Variants in TSPEAR observed in about 807,000 individuals in gnomAD.
TSPEAR encodes thrombospondin type laminin G domain and EAR repeats, also known as thrombospondin-type laminin G domain and EAR repeat-containing protein.
In TSPEAR, 69 loss-of-function variants were observed where a neutral mutation model predicts 71.6. The ratio of observed to expected loss-of-function variants is 0.96; its 90% CI spans 0.79 to 1.18. TSPEAR has a LOEUF of 1.18. Among genes scored for constraint, TSPEAR ranks in the 50% most tolerant of loss-of-function variants. The probability of loss-of-function intolerance (pLI) is 0.00; values close to 1 mark genes in which losing one functional copy is unlikely to be tolerated. For synonymous variants in TSPEAR, 402 were observed against 387.2 expected (o/e 1.04, Z -0.45); for missense variants, 971 against 894.9 (o/e 1.09, Z -1.09).
intron 3 of TSPEAR, among the ~76,000 whole-genome samples, chr21:44,533,024 C>T (rs1221317637): frequency 6.6e-6 from 1 of 152,218 alleles, no homozygotes; most frequent in African/African-American, 2.4e-5. Flanking sequence ...AGCGCCCTCC[C>T]CACAGTGCCG....
intron 9 of TSPEAR, among the ~76,000 whole-genome samples, chr21:44,511,824 G>A (rs1555912745): frequency 6.6e-6 from 1 of 152,266 alleles, no homozygotes; most frequent in East Asian, 1.9e-4. Context: ...CCCTGTAGCA[G>A]CCCAGGGTGA....
intron 2 of TSPEAR, chr21:44,550,226 T>G: frequency 4.7e-6 from 1 of 212,272 alleles, no homozygotes; most frequent in African/African-American, 2.3e-5. Context: ...CTTCCAGGTG[T>G]CACACAAGAG....
intron 2 of TSPEAR, chr21:44,540,268 T>C (rs1387110713): frequency 9.3e-6 from 14 of 1,504,430 alleles, no homozygotes; most frequent in African/African-American, 1.4e-5. Context: ...GCTCTGCTTT[T>C]ATACCCCTTC....
At chr21:44,581,378 G>T (rs587758561) in intron 1 of TSPEAR, among the ~76,000 whole-genome samples, 84 of 152,276 alleles carry the variant, frequency 5.5e-4, no homozygotes, top group Middle Eastern at 3.4e-3. Flanking sequence ...GTTTAGCTGG[G>T]TATATAATTC....
intron 1 of TSPEAR, among the ~76,000 whole-genome samples, chr21:44,696,732 G>A (rs1987352193): frequency 6.6e-6 from 1 of 152,210 alleles, no homozygotes; most frequent in Non-Finnish European, 1.5e-5. Context: ...AATCACAGAG[G>A]GGCGGCCAAG....
At chr21:44,516,941 C>A (rs1201410002) in intron 9 of TSPEAR, among the ~76,000 whole-genome samples, 1 of 152,178 alleles carries the variant, frequency 6.6e-6, no homozygotes, top group African/African-American at 2.4e-5. Flanking sequence ...CCCATCTTCC[C>A]ATCGCAGGAG....
intron 1 of TSPEAR, among the ~76,000 whole-genome samples, chr21:44,674,109 A>C (rs1986188379): frequency 8.0e-6 from 1 of 124,756 alleles, no homozygotes; most frequent in Non-Finnish European, 1.7e-5. Flanking sequence ...ACACAGTAAG[A>C]CTCCATCTCA....
intron 1 of TSPEAR, chr21:44,600,751 C>T (rs1555928394): frequency 6.2e-7 from 1 of 1,609,800 alleles, no homozygotes; most frequent in African/African-American, 1.4e-5. Context: ...CTGCTGCGAG[C>T]CCCCCTGCTG....
intron 2 of TSPEAR, chr21:44,539,236 A>C: frequency 6.4e-7 from 1 of 1,571,638 alleles, no homozygotes. Context: ...CCAGGTCAGG[A>C]ACTGAGCCCA....
In TSPEAR at chr21:44,658,174, T is replaced by C. The variant is rs782619047; in HGVS notation, c.82+53259A>G. 3.7e-6 allele frequency: 6 copies of C among 1,614,068 alleles called. No individual in the cohort carries two copies. In the Admixed American group the frequency reaches 5.0e-5, roughly 13 times the overall value. ...CCGTGAGCTGCAGGCCCATCATATATGTGACTCCCTCTTGCCAATCTTCGG... is the reference window on the plus strand; with the variant it reads ...CCGTGAGCTGCAGGCCCATCATATACGTGACTCCCTCTTGCCAATCTTCGG... On this transcript the variant is annotated intron_variant, in intron 1 of 11. Transcript: ENST00000323084.
intron 9 of TSPEAR, among the ~76,000 whole-genome samples, chr21:44,512,031 G>A (rs141561055): frequency 1.3e-5 from 2 of 152,232 alleles, no homozygotes; most frequent in Non-Finnish European, 2.9e-5. Flanking sequence ...GGGCCCAAAG[G>A]CATGGAGGAC....
chr21:44,603,967 A>G (rs1555929404), intron 1 of TSPEAR, among the ~76,000 whole-genome samples: 1 of 151,846 alleles, frequency 6.6e-6, no homozygotes, highest in Non-Finnish European at 1.5e-5. Context: ...CATCACGGGG[A>G]GACTGCGGGC....
intron 2 of TSPEAR, among the ~76,000 whole-genome samples, chr21:44,535,288 A>G (rs748826947): frequency 1.7e-4 from 26 of 152,230 alleles, no homozygotes; most frequent in Non-Finnish European, 3.1e-4. Context: ...GTGTCCACCA[A>G]GACCTCAGAG....
intron 1 of TSPEAR, chr21:44,647,247 C>A: frequency 1.2e-6 from 2 of 1,604,814 alleles, no homozygotes; most frequent in Non-Finnish European, 1.7e-6. Context: ...CCTCCTCCTG[C>A]CAGTCCAGCT....
Position 44,550,684 on chromosome 21 carries a change from A to G in TSPEAR, c.304-16761T>C, listed in dbSNP as rs782391003. On this transcript the variant is annotated intron_variant, in intron 2 of 11. Transcript: ENST00000323084. ...CTGAGCCCGGCTGGCCCTGGGGGAC[A>G]TGGCCATCAGCAGCTAGACTTTTGG... 51 of 1,613,170 alleles carry G rather than the reference A, an allele frequency of 3.2e-5. No homozygotes were observed. The East Asian group carries it at 9.8e-4, about 31-fold the overall frequency.
At chr21:44,603,819 A>G (rs1232551111) in intron 1 of TSPEAR, among the ~76,000 whole-genome samples, 1 of 152,230 alleles carries the variant, frequency 6.6e-6, no homozygotes, top group African/African-American at 2.4e-5. Flanking sequence ...GAAAGAACCA[A>G]TATCTCACAA....
intron 1 of TSPEAR, among the ~76,000 whole-genome samples, chr21:44,665,784 G>C (rs1473283006): frequency 6.6e-6 from 1 of 152,212 alleles, no homozygotes; most frequent in Non-Finnish European, 1.5e-5. Context: ...TGATGGGAGT[G>C]TGTGCCGCAG....
At chr21:44,700,983 C>A (rs1390141091) in intron 1 of TSPEAR, among the ~76,000 whole-genome samples, 2 of 152,162 alleles carry the variant, frequency 1.3e-5, no homozygotes, top group Non-Finnish European at 2.9e-5. Flanking sequence ...ACCAACAGAA[C>A]CCTGGGAAAG....
intron 1 of TSPEAR, chr21:44,628,073 C>T (rs1421270120): frequency 3.5e-5 from 56 of 1,596,418 alleles, no homozygotes; most frequent in Non-Finnish European, 4.8e-5. Flanking sequence ...CCAGGGCCAG[C>T]CGGGCTCAGG....
Sources: gnomAD v4.1 joint callset for allele counts (sites outside exome capture counted in the v4.1 genomes callset) on GRCh38, gnomAD v4.1.1 for gene constraint, MANE v1.5 for transcripts, NCBI Gene and HGNC (gene_info 2026-07-23, HGNC 2026-07-21) for gene names.